The following SEMA3E variants were observed in gnomAD, a reference collection of about 807,000 sequenced individuals.
SEMA3E encodes semaphorin-3E.
A neutral mutation model predicts 93.6 loss-of-function variants in SEMA3E; 49 were observed. That is an observed-to-expected ratio of 0.52 (90% CI 0.42 to 0.66). SEMA3E has a LOEUF of 0.66. Among genes scored for constraint, SEMA3E ranks in the 30% least tolerant of loss-of-function variants. The pLI, the probability that SEMA3E is intolerant of heterozygous loss-of-function variation, is 0.00. For missense variants in SEMA3E, 906 were observed against 964.8 expected, an observed-to-expected ratio of 0.94 and a Z score of 0.81; for synonymous variants, 363 against 330.7, an observed-to-expected ratio of 1.10 and a Z score of -1.06.
intron 16 of SEMA3E, chr7:83,372,411 A>G (rs1212887682): frequency 7.6e-6 from 3 of 395,610 alleles, no homozygotes; most frequent in African/African-American, 2.1e-5. Context: ...AGTTTCCAGC[A>G]TATAGCAAGC....
At chr7:83,471,478 C>T (rs1382069904) in intron 2 of SEMA3E, among the ~76,000 whole-genome samples, 5 of 151,982 alleles carry the variant, frequency 3.3e-5, no homozygotes, top group East Asian at 1.9e-4. Flanking sequence ...ATTGGCAGGT[C>T]GGGTAAATGC....
intron 1 of SEMA3E, among the ~76,000 whole-genome samples, chr7:83,613,655 A>G (rs992255138): frequency 1.3e-5 from 2 of 152,146 alleles, no homozygotes; most frequent in African/African-American, 4.8e-5. Flanking sequence ...TTTGGATCAT[A>G]TCTTATTCCT....
In SEMA3E at chr7:83,364,195, G is replaced by A. The variant is rs1216243382; in HGVS notation, c.*3391C>T. 1 of 151,988 alleles carries A rather than the reference G, an allele frequency of 6.6e-6. No individual in the cohort carries two copies. The highest frequency in any genetic ancestry group is 2.4e-5 in the African/African-American group (1 of 41,350). The allele number at this position is 151,988 out of a possible 1,614,324, so 9.4% of individuals were successfully genotyped here. ...AGGCGTGAGCCACCGCGCCCGGCCAGGTCAATTCATTTTTAAGGACAACAG... is the reference window on the plus strand; with the variant it reads ...AGGCGTGAGCCACCGCGCCCGGCCAAGTCAATTCATTTTTAAGGACAACAG... On this transcript the variant is annotated 3_prime_UTR_variant, in exon 17 of 17. Coordinates refer to ENST00000643230, the MANE Select transcript of SEMA3E (RefSeq NM_012431.3).
At chr7:83,534,628 C>A (rs1239943922) in intron 1 of SEMA3E, among the ~76,000 whole-genome samples, 1 of 152,080 alleles carries the variant, frequency 6.6e-6, no homozygotes, top group Non-Finnish European at 1.5e-5. Flanking sequence ...TAAACTATGG[C>A]CCATGGGACA....
intron 1 of SEMA3E, among the ~76,000 whole-genome samples, chr7:83,523,600 G>C (rs1000312591): frequency 1.3e-5 from 2 of 151,888 alleles, no homozygotes; most frequent in African/African-American, 2.4e-5. Flanking sequence ...CTTCAATTCT[G>C]TCTGCTTTGG....
intron 4 of SEMA3E, among the ~76,000 whole-genome samples, chr7:83,428,726 C>T (rs974489302): frequency 2.0e-5 from 3 of 152,036 alleles, no homozygotes; most frequent in African/African-American, 7.2e-5. Flanking sequence ...AATAGTTTTG[C>T]ATTTTAATTG....
At chr7:83,597,968 G>C (rs1792911339) in intron 1 of SEMA3E, among the ~76,000 whole-genome samples, 1 of 152,134 alleles carries the variant, frequency 6.6e-6, no homozygotes, top group Admixed American at 6.6e-5. Context: ...AAAATGATCA[G>C]GTTCACTTTG....
At chr7:83,536,846 A>C (rs1309421162) in intron 1 of SEMA3E, among the ~76,000 whole-genome samples, 2 of 152,010 alleles carry the variant, frequency 1.3e-5, no homozygotes. Flanking sequence ...ATTTTATTCA[A>C]AGTTATGTAT....
At chr7:83,647,367 G>A (rs540243837) in intron 1 of SEMA3E, among the ~76,000 whole-genome samples, 2 of 152,148 alleles carry the variant, frequency 1.3e-5, no homozygotes, top group South Asian at 2.1e-4. Flanking sequence ...ACAAGCTTCT[G>A]TTCTTTCTAC....
In SEMA3E at chr7:83,466,689, G is replaced by T; in HGVS notation, c.337-88C>A. ...TTTTTGTTTTTCCTAGCCCTAGAAA[G>T]CTCATGTTTTACCGTAAATCTCTGT... On this transcript the variant is annotated intron_variant, in intron 3 of 16. Transcript: ENST00000643230. 5 of 1,520,820 alleles carry T rather than the reference G, an allele frequency of 3.3e-6. No individual in the cohort carries two copies. The African/African-American group carries it at 4.1e-5, about 12-fold the overall frequency. The allele number at this position is 1,520,820 out of a possible 1,614,324, so 94.2% of individuals were successfully genotyped here.
chr7:83,437,485 CAT>C lies in SEMA3E; in HGVS notation c.457-19004_457-19003del, dbSNP rs899849553. On this transcript the variant is annotated intron_variant, in intron 4 of 16. Transcript: ENST00000643230. ...AAAGAAAAAAATCCTACATGAATAA[CAT>C]AAACTTTTTTTCACTCAAAAAACAA... Among the ~76,000 whole-genome samples the C allele has an allele frequency of 5.3e-4, 80 of 151,926 alleles. 1 individual carries two copies. Among genetic ancestry groups the C allele is most frequent in the Admixed American group, 4.7e-3 (72 of 15,274 alleles).
chr7:83,590,119 A>G (rs537094837), intron 1 of SEMA3E, among the ~76,000 whole-genome samples: 4 of 152,272 alleles, frequency 2.6e-5, no homozygotes. Flanking sequence ...TGTTCTTAAG[A>G]TACAAGATTA....
chr7:83,478,061 C>T (rs993171590), intron 2 of SEMA3E, among the ~76,000 whole-genome samples: 2 of 152,032 alleles, frequency 1.3e-5, no homozygotes, highest in African/African-American at 4.8e-5. Flanking sequence ...GCTGGGATTA[C>T]AGGCACCTGC....
intron 2 of SEMA3E, among the ~76,000 whole-genome samples, chr7:83,483,823 C>G (rs1477031233): frequency 6.6e-6 from 1 of 152,092 alleles, no homozygotes; most frequent in African/African-American, 2.4e-5. Flanking sequence ...CTCCCATTTT[C>G]TAAATGAAGT....
At chr7:83,640,102 A>G (rs73382753) in intron 1 of SEMA3E, among the ~76,000 whole-genome samples, 1,891 of 152,174 alleles carry the variant, frequency 0.012, 43 homozygotes, top group African/African-American at 0.043. Flanking sequence ...GTCAGGAGGG[A>G]AAGAGTCAGT....
At chr7:83,454,083 C>A (rs918699257) in intron 4 of SEMA3E, among the ~76,000 whole-genome samples, 2 of 150,804 alleles carry the variant, frequency 1.3e-5, no homozygotes, top group South Asian at 2.1e-4. Context: ...ACGGTGAAAA[C>A]CCGTCTCTAC....
intron 5 of SEMA3E, among the ~76,000 whole-genome samples, chr7:83,417,479 C>T (rs1788576802): frequency 6.6e-6 from 1 of 152,062 alleles, no homozygotes; most frequent in South Asian, 2.1e-4. Context: ...TTATTCTGTA[C>T]TCATTTTCTG....
Position 83,537,977 on chromosome 7 carries a change from A to C in SEMA3E, c.116-47703T>G, listed in dbSNP as rs78158798. 9.5e-4 allele frequency among the ~76,000 whole-genome samples: 144 copies of C among 152,246 alleles called. 2 individuals are homozygous for C. The highest frequency in any genetic ancestry group is 3.4e-3 in the African/African-American group (143 of 41,556). On this transcript the variant is annotated intron_variant, in intron 1 of 16. Transcript: ENST00000643230. ...TTTCTTCTCAATAGAATCATATGGTATGTGAACTTTTATAACTTGTTTTTT... is the reference window on the plus strand; with the variant it reads ...TTTCTTCTCAATAGAATCATATGGTCTGTGAACTTTTATAACTTGTTTTTT...
At chr7:83,512,139 G>T (rs1277946963) in intron 1 of SEMA3E, among the ~76,000 whole-genome samples, 1 of 152,014 alleles carries the variant, frequency 6.6e-6, no homozygotes, top group Non-Finnish European at 1.5e-5. Context: ...GTCCAAAAAT[G>T]GTTTTATTTC....
Sources: allele counts gnomAD v4.1 joint callset (sites outside exome capture counted in the v4.1 genomes callset), GRCh38; gene constraint gnomAD v4.1.1; transcripts MANE v1.5; gene names NCBI Gene and HGNC (gene_info 2026-07-23, HGNC 2026-07-21).